MTMR8: variants seen among roughly 807,000 people sequenced by gnomAD.
The protein encoded by MTMR8 is myotubularin related protein 8.
A neutral mutation model predicts 39.3 loss-of-function variants in MTMR8; 65 were observed. The observed-to-expected ratio is 1.65, with a 90% CI of 1.35 to 2.03. The LOEUF (loss-of-function observed/expected upper bound fraction) is 2.03, where lower values mean the gene tolerates loss of function less well. Ranked by LOEUF, MTMR8 falls within the 30% of genes most tolerant of loss-of-function variation. The pLI is 0.00. For missense variants in MTMR8, 777 were observed against 538.9 expected, an observed-to-expected ratio of 1.44 and a Z score of -4.37; for synonymous variants, 245 against 185.2, an observed-to-expected ratio of 1.32 and a Z score of -2.62.
chrX:64,284,677 C>T (rs934209669), intron 12 of MTMR8, among the ~76,000 whole-genome samples: 1 of 111,585 alleles, frequency 9.0e-6, no homozygotes, highest in Non-Finnish European at 1.9e-5. Context: ...ATTCAACATT[C>T]TTAAAGAAAA....
intron 12 of MTMR8, among the ~76,000 whole-genome samples, chrX:64,275,839 G>A (rs73522756): frequency 1.8e-3 from 203 of 110,916 alleles, no homozygotes; most frequent in African/African-American, 6.2e-3. Flanking sequence ...GGACAACAAT[G>A]TACCAATAAA....
chrX:64,289,790 C>T (rs1179182052), intron 12 of MTMR8, among the ~76,000 whole-genome samples: 1 of 110,800 alleles, frequency 9.0e-6, no homozygotes, highest in Non-Finnish European at 1.9e-5. Context: ...ATGGTATATA[C>T]AACCAATTAA....
chrX:64,274,759 C>T (rs1005336671), intron 12 of MTMR8, among the ~76,000 whole-genome samples: 2 of 111,798 alleles, frequency 1.8e-5, no homozygotes, highest in African/African-American at 3.3e-5. Context: ...TTTGTGACAA[C>T]GTAGAAGGAA....
chrX:64,302,035 C>T (rs1037972538), intron 12 of MTMR8, among the ~76,000 whole-genome samples: 10 of 112,759 alleles, frequency 8.9e-5, no homozygotes, highest in Middle Eastern at 4.6e-3. Context: ...CTGTGCCCTG[C>T]CCCCAGAGGT....
intron 1 of MTMR8, among the ~76,000 whole-genome samples, chrX:64,383,880 T>C (rs757835100): frequency 2.7e-5 from 3 of 111,191 alleles, no homozygotes; most frequent in Non-Finnish European, 5.7e-5. Flanking sequence ...CATTGGAAAA[T>C]ACAATCATGC....
chrX:64,289,586 A>G (rs748033031), intron 12 of MTMR8, among the ~76,000 whole-genome samples: 16 of 99,042 alleles, frequency 1.6e-4, no homozygotes, highest in African/African-American at 5.0e-4. Flanking sequence ...ACAATATGCT[A>G]TAACTGTGCC....
chrX:64,307,314 A>T (rs1342724816), intron 12 of MTMR8, among the ~76,000 whole-genome samples: 2 of 111,614 alleles, frequency 1.8e-5, no homozygotes, highest in Non-Finnish European at 3.8e-5. Context: ...CTTACCTGAA[A>T]TTTTTCTAAG....
intron 1 of MTMR8, among the ~76,000 whole-genome samples, chrX:64,374,570 G>C (rs1261050102): frequency 9.0e-6 from 1 of 111,595 alleles, no homozygotes; most frequent in African/African-American, 3.3e-5. Context: ...TTAGGAAACA[G>C]AATAAGGATT....
At position 64,331,767 on chromosome X, in the gene MTMR8, G is replaced by T. The variant is rs747229110; in HGVS notation, c.1152-10C>A. 7 of 1,175,651 alleles carry T rather than the reference G, an allele frequency of 6.0e-6. No individual in the cohort carries two copies. The African/African-American group carries it at 1.2e-4, about 21-fold the overall frequency. ...ATCGAGGTGGCCACACCTGAGAGATGAAAATAAAGGTAAAGAAAGACACTA... is the reference window on the plus strand; with the variant it reads ...ATCGAGGTGGCCACACCTGAGAGATTAAAATAAAGGTAAAGAAAGACACTA... On this transcript the variant is annotated splice_polypyrimidine_tract_variant and intron_variant, in intron 10 of 13. Coordinates refer to ENST00000374852, the MANE Select transcript of MTMR8 (RefSeq NM_017677.4).
intron 12 of MTMR8, among the ~76,000 whole-genome samples, chrX:64,300,432 G>T (rs1459161736): frequency 8.1e-5 from 9 of 111,053 alleles, no homozygotes; most frequent in Non-Finnish European, 1.5e-4. Flanking sequence ...TTGCTTGGTA[G>T]AGCTTCCTCC....
intron 12 of MTMR8, among the ~76,000 whole-genome samples, chrX:64,317,226 A>G (rs1313020180): frequency 1.8e-5 from 2 of 111,479 alleles, no homozygotes; most frequent in Admixed American, 9.5e-5. Flanking sequence ...TCTCGAATCT[A>G]TACGTATAAG....
intron 8 of MTMR8, among the ~76,000 whole-genome samples, chrX:64,341,218 C>A (rs1401891285): frequency 8.9e-6 from 1 of 111,799 alleles, no homozygotes; most frequent in Non-Finnish European, 1.9e-5. Flanking sequence ...GTAGCTTACG[C>A]CTGTAATCCC....
In MTMR8 at chrX:64,346,299, A is replaced by G. The variant is rs778507382; in HGVS notation, c.733-1122T>C. Among the ~76,000 whole-genome samples the G allele has an allele frequency of 1.5e-3, 162 of 111,379 alleles. 1 individual carries two copies. Among genetic ancestry groups the G allele is most frequent in the African/African-American group, 5.1e-3 (157 of 30,651 alleles). On this transcript the variant is annotated intron_variant, in intron 6 of 13. Coordinates refer to ENST00000374852, the MANE Select transcript of MTMR8 (RefSeq NM_017677.4). Reference sequence around the variant, plus strand: ...ATTAAAAGAATACAAAAACCTCAAGACACAAACTATTCAAGTTAGAACATG... The same window carrying G: ...ATTAAAAGAATACAAAAACCTCAAGGCACAAACTATTCAAGTTAGAACATG...
At chrX:64,309,444 T>C (rs1455932166) in intron 12 of MTMR8, among the ~76,000 whole-genome samples, 1 of 108,111 alleles carries the variant, frequency 9.2e-6, no homozygotes, top group Non-Finnish European at 1.9e-5. Context: ...GTGTATATTA[T>C]ATTAAACTTG....
chrX:64,377,107 A>T (rs754921801), intron 1 of MTMR8, among the ~76,000 whole-genome samples: 5 of 112,418 alleles, frequency 4.4e-5, no homozygotes, highest in Non-Finnish European at 9.4e-5. Context: ...ATTTCAGAGG[A>T]TGTAGGGAGA....
Position 64,359,406 on chromosome X carries a change from C to A in MTMR8, c.146G>T (p.Trp49Leu), listed in dbSNP as rs370725319. 2 of 1,202,195 alleles carry A rather than the reference C, an allele frequency of 1.7e-6. No homozygotes were observed. Among genetic ancestry groups the A allele is most frequent in the South Asian group, 1.8e-5 (1 of 55,205 alleles). Reference protein sequence around the residue: ...EASGAARKETWIALHHIATVE... With the variant: ...EASGAARKETLIALHHIATVE... ...TGATACTTCTTCTCATGAACATACCCATGTTTCTTTCCGGGCTGCACCTGA... is the reference window on the plus strand; with the variant it reads ...TGATACTTCTTCTCATGAACATACCAATGTTTCTTTCCGGGCTGCACCTGA... Residue 49 changes from tryptophan to leucine, a missense_variant and splice_region_variant, in exon 2 of 14, where the codon TGG (tryptophan) becomes TTG (leucine). Coordinates refer to ENST00000374852, the MANE Select transcript of MTMR8 (RefSeq NM_017677.4).
chrX:64,274,433 C>T (rs1412732882), intron 12 of MTMR8, among the ~76,000 whole-genome samples: 3 of 112,034 alleles, frequency 2.7e-5, no homozygotes, highest in Non-Finnish European at 5.7e-5. Flanking sequence ...CATACCAAAA[C>T]ATGTAGGATG....
intron 12 of MTMR8, among the ~76,000 whole-genome samples, chrX:64,302,191 C>G (rs1921909457): frequency 8.9e-6 from 1 of 112,615 alleles, no homozygotes; most frequent in Non-Finnish European, 1.9e-5. Flanking sequence ...AGTTTGATCT[C>G]AGACTGCTGT....
At chrX:64,344,970 A>C in intron 7 of MTMR8, 75 bp downstream of exon 7, 2 of 1,108,849 alleles carry the variant, frequency 1.8e-6, no homozygotes, top group Non-Finnish European at 2.4e-6. Context: ...TTCCACCCCA[A>C]ATCAGGCATG....
Sources: gnomAD v4.1 joint callset for allele counts (sites outside exome capture counted in the v4.1 genomes callset) on GRCh38, gnomAD v4.1.1 for gene constraint, MANE v1.5 for transcripts, NCBI Gene and HGNC (gene_info 2026-07-23, HGNC 2026-07-21) for gene names.